SMYD3: variants seen among roughly 807,000 people sequenced by gnomAD.
SMYD3 encodes SET and MYND domain containing 3, also known as histone-lysine N-methyltransferase SMYD3.
A neutral mutation model predicts 57.7 loss-of-function variants in SMYD3; 36 were observed. That is an observed-to-expected ratio of 0.62 (90% CI 0.48 to 0.82). The LOEUF (loss-of-function observed/expected upper bound fraction) is 0.82, where lower values mean the gene tolerates loss of function less well. Ranked by LOEUF, SMYD3 falls within the 40% of genes least tolerant of loss-of-function variation. The pLI, the probability that SMYD3 is intolerant of heterozygous loss-of-function variation, is 0.00. For missense variants in SMYD3, 515 were observed against 538.8 expected, an observed-to-expected ratio of 0.96 and a Z score of 0.44; for synonymous variants, 211 against 195.0, an observed-to-expected ratio of 1.08 and a Z score of -0.68.
intron 5 of SMYD3, among the ~76,000 whole-genome samples, chr1:245,966,771 C>T (rs1397183344): frequency 6.6e-6 from 1 of 152,148 alleles, no homozygotes; most frequent in African/African-American, 2.4e-5. Context: ...TCTCCAGAAA[C>T]CGTCACTCTG....
At chr1:245,775,724 A>AAAT (rs1558324988) in intron 10 of SMYD3, among the ~76,000 whole-genome samples, 1 of 143,606 alleles carries the variant, frequency 7.0e-6, no homozygotes, top group Non-Finnish European at 1.5e-5. Flanking sequence ...CTAAAAAAAA[A>AAAT]AAAAAATAAA....
chr1:245,952,232 A>C (rs2057680633), intron 5 of SMYD3, among the ~76,000 whole-genome samples: 1 of 152,176 alleles, frequency 6.6e-6, no homozygotes, highest in Non-Finnish European at 1.5e-5. Flanking sequence ...AAATTAACCA[A>C]AGCATTATCA....
At chr1:246,088,281 C>T (rs530155206) in intron 5 of SMYD3, among the ~76,000 whole-genome samples, 1 of 151,788 alleles carries the variant, frequency 6.6e-6, no homozygotes, top group African/African-American at 2.4e-5. Context: ...CTCTTTCTTT[C>T]TCTCTCTCTC....
chr1:246,294,228 G>A (rs1479861713), intron 5 of SMYD3, among the ~76,000 whole-genome samples: 1 of 151,922 alleles, frequency 6.6e-6, no homozygotes, highest in Non-Finnish European at 1.5e-5. Context: ...CTAAATACCG[G>A]CGTCCCCAGC....
At chr1:246,164,680 C>G (rs955987233) in intron 5 of SMYD3, among the ~76,000 whole-genome samples, 1 of 152,184 alleles carries the variant, frequency 6.6e-6, no homozygotes, top group Non-Finnish European at 1.5e-5. Context: ...ATACTGGATA[C>G]GTGTGCCACG....
At chr1:246,267,741 C>T (rs937747332) in intron 5 of SMYD3, among the ~76,000 whole-genome samples, 1 of 152,212 alleles carries the variant, frequency 6.6e-6, no homozygotes, top group African/African-American at 2.4e-5. Context: ...GCAGAGACTG[C>T]ACCTTAGGTA....
At position 246,239,540 on chromosome 1, in the gene SMYD3, G is replaced by A. The variant is rs551826048; in HGVS notation, c.531+87661C>T. Among the ~76,000 whole-genome samples the A allele has an allele frequency of 1.9e-3, 289 of 152,226 alleles. 4 individuals are homozygous for A. The highest frequency in any genetic ancestry group is 6.5e-3 in the African/African-American group (272 of 41,542). On this transcript the variant is annotated intron_variant, in intron 5 of 11. Coordinates refer to ENST00000490107, the MANE Select transcript of SMYD3 (RefSeq NM_001167740.2). ...AGTCTTTGCTATTGTGAATACTGCCGCAATAAACATACGTGTGCATGTGTC... is the reference window on the plus strand; with the variant it reads ...AGTCTTTGCTATTGTGAATACTGCCACAATAAACATACGTGTGCATGTGTC...
At chr1:246,424,906 T>C (rs1049590076) in intron 1 of SMYD3, among the ~76,000 whole-genome samples, 1 of 152,206 alleles carries the variant, frequency 6.6e-6, no homozygotes, top group Non-Finnish European at 1.5e-5. Context: ...CATACCCACT[T>C]GCAAAAATGT....
intron 5 of SMYD3, among the ~76,000 whole-genome samples, chr1:246,239,013 G>A (rs984674140): frequency 2.6e-5 from 4 of 151,418 alleles, no homozygotes; most frequent in Non-Finnish European, 5.9e-5. Flanking sequence ...GGATAGTCAC[G>A]ACACTTGAGC....
At chr1:245,770,203 C>T (rs12065758) in intron 10 of SMYD3, among the ~76,000 whole-genome samples, 5,851 of 152,250 alleles carry the variant, frequency 0.038, 386 homozygotes, top group African/African-American at 0.13. Context: ...CTTGAAAAGT[C>T]AAGATCATGG....
chr1:246,465,461 C>G (rs929814944), intron 1 of SMYD3, among the ~76,000 whole-genome samples: 9 of 152,188 alleles, frequency 5.9e-5, no homozygotes, highest in African/African-American at 2.2e-4. Context: ...AATAACTCCT[C>G]GATGATGCAG....
chr1:246,147,651 T>C (rs2061872386), intron 5 of SMYD3, among the ~76,000 whole-genome samples: 1 of 151,226 alleles, frequency 6.6e-6, no homozygotes, highest in Non-Finnish European at 1.5e-5. Flanking sequence ...TGGGTGGGGC[T>C]ACAGCTGCCC....
chr1:246,344,727 C>T (rs1474878961), intron 2 of SMYD3, among the ~76,000 whole-genome samples: 1 of 152,202 alleles, frequency 6.6e-6, no homozygotes, highest in Non-Finnish European at 1.5e-5. Flanking sequence ...CATCACCTTG[C>T]CAGCACTTGA....
chr1:245,868,385 A>C (rs556649104), intron 8 of SMYD3, among the ~76,000 whole-genome samples: 1 of 152,278 alleles, frequency 6.6e-6, no homozygotes, highest in African/African-American at 2.4e-5. Flanking sequence ...TCAATTCAAA[A>C]TATCTTCACC....
intron 8 of SMYD3, among the ~76,000 whole-genome samples, chr1:245,872,526 C>T (rs947183880): frequency 3.7e-4 from 57 of 152,140 alleles, no homozygotes; most frequent in Non-Finnish European, 4.0e-4. Context: ...CGGGCAGCCC[C>T]GTCACTCCCT....
chr1:246,349,858 A>G (rs943988187), intron 2 of SMYD3, among the ~76,000 whole-genome samples: 1 of 152,218 alleles, frequency 6.6e-6, no homozygotes, highest in Admixed American at 6.5e-5. Context: ...AGTGAAAGAC[A>G]ACAATCAGAA....
chr1:246,117,838 C>T (rs13374510), intron 5 of SMYD3, among the ~76,000 whole-genome samples: 26,174 of 152,032 alleles, frequency 0.17, 3,399 homozygotes, highest in African/African-American at 0.36. Flanking sequence ...CTTTCATTTC[C>T]GAAAAACAGT....
At chr1:246,501,361 A>G (rs2068453497) in intron 1 of SMYD3, among the ~76,000 whole-genome samples, 7 of 152,178 alleles carry the variant, frequency 4.6e-5, no homozygotes, top group Admixed American at 4.6e-4. Flanking sequence ...TAGTAACTTC[A>G]TTATTTAGAT....
At chr1:246,178,371 A>G (rs1239918407) in intron 5 of SMYD3, among the ~76,000 whole-genome samples, 1 of 152,218 alleles carries the variant, frequency 6.6e-6, no homozygotes, top group Non-Finnish European at 1.5e-5. Context: ...CCAAGGAACA[A>G]TACCACACAA....
Sources: allele counts gnomAD v4.1 joint callset (sites outside exome capture counted in the v4.1 genomes callset), GRCh38; gene constraint gnomAD v4.1.1; transcripts MANE v1.5; gene names NCBI Gene and HGNC (gene_info 2026-07-23, HGNC 2026-07-21).